Variants in TRIM5 observed in about 807,000 individuals in gnomAD.
The protein encoded by TRIM5 is tripartite motif-containing protein 5.
In TRIM5, 31 loss-of-function variants were observed where a neutral mutation model predicts 35.6. That is an observed-to-expected ratio of 0.87 (90% CI 0.65 to 1.18). The LOEUF (loss-of-function observed/expected upper bound fraction) is 1.18. TRIM5 is among the 50% of genes most tolerant of loss of function. The pLI is 0.00. For synonymous variants in TRIM5, 243 were observed against 215.6 expected, an observed-to-expected ratio of 1.13 and a Z score of -1.11; for missense variants, 609 against 591.6, an observed-to-expected ratio of 1.03 and a Z score of -0.31.
rs777240554 is a variant in TRIM5 at position 5,678,420 on chromosome 11, A to C, written c.528T>G (p.Tyr176Ter). The C allele has an allele frequency of 1.3e-6, 2 of 1,576,682 alleles. No individual in the cohort carries two copies. The highest frequency in any genetic ancestry group is 1.2e-5 in the South Asian group (1 of 85,462). ...AATCTGCCAAGACGTTGGTTTTGTC[A>C]TACTGTATTTGAGTCTTCAGAGATA... is the stretch of plus-strand genomic sequence containing the variant. The part of the protein sequence containing the change: ...EKASWKTQIQ[Y>*]DKTNVLADFE... Residue 176 changes from tyrosine to a stop codon, truncating the protein, a stop_gained, in exon 4 of 8, where the codon TAT (tyrosine) becomes TAG (stop). Coordinates refer to ENST00000380034, the MANE Select transcript of TRIM5 (RefSeq NM_033034.3). LOFTEE classifies it high-confidence loss of function.
In TRIM5 at chr11:5,665,079, T is replaced by G; in HGVS notation, c.1212A>C (p.Leu404Phe). 1 of 1,614,156 alleles carries G rather than the reference T, an allele frequency of 6.2e-7. No individual in the cohort carries two copies. The highest frequency in any genetic ancestry group is 8.5e-7 in the Non-Finnish European group (1 of 1,180,032). ...QPKYGYWVIGLEEGVKCSAFQ... is the reference protein window; with the variant it reads ...QPKYGYWVIGFEEGVKCSAFQ... Reference sequence around the variant, plus strand: ...AAGCACTACATTTAACTCCTTCCTCTAACCCTATAACCCAGTAGCCGTATT... The same window carrying G: ...AAGCACTACATTTAACTCCTTCCTCGAACCCTATAACCCAGTAGCCGTATT... Residue 404 changes from leucine (L) to phenylalanine (F), a missense_variant, in exon 8 of 8, where the codon TTA becomes TTC. Physicochemically the swap from Leu to Phe is conservative, Grantham distance 22. Coordinates refer to ENST00000380034, the MANE Select transcript of TRIM5 (RefSeq NM_033034.3).
At chr11:5,613,330 T>G in the TRIM5 span, among the ~76,000 whole-genome samples, 1 of 152,252 alleles carries the variant, frequency 6.6e-6, no homozygotes, top group Non-Finnish European at 1.5e-5. Flanking sequence ...CACTTGAAGC[T>G]CCTTCATGGT....
chr11:5,601,334 C>CT, the TRIM5 span, among the ~76,000 whole-genome samples: 14 of 152,212 alleles, frequency 9.2e-5, no homozygotes, highest in Non-Finnish European at 1.9e-4. Flanking sequence ...TGTAAAGTCA[C>CT]TTAATGTCTC....
At chr11:5,599,405 A>ATTTG in the TRIM5 span, among the ~76,000 whole-genome samples, 1 of 151,256 alleles carries the variant, frequency 6.6e-6, no homozygotes, top group Non-Finnish European at 1.5e-5. Flanking sequence ...TTATTTATTT[A>ATTTG]TTTATTTATT....
the TRIM5 span, among the ~76,000 whole-genome samples, chr11:5,653,476 G>A: frequency 6.7e-5 from 10 of 148,890 alleles, no homozygotes; most frequent in Non-Finnish European, 1.3e-4. Flanking sequence ...TGTTTTTTCC[G>A]ATTTTTTTTT....
At chr11:5,603,146 C>G in the TRIM5 span, 1 of 1,511,846 alleles carries the variant, frequency 6.6e-7, no homozygotes, top group Non-Finnish European at 8.8e-7. Context: ...CCTTGTTACC[C>G]CAGGTGTCTG....
At chr11:5,660,087 C>T (rs1485397104), downstream of TRIM5, among the ~76,000 whole-genome samples, 2 of 152,106 alleles carry the variant, frequency 1.3e-5, no homozygotes, top group Non-Finnish European at 1.5e-5. Flanking sequence ...AGCGATTCTC[C>T]TGCCTCAGCC....
At chr11:5,650,119 T>C in the TRIM5 span, among the ~76,000 whole-genome samples, 2 of 152,190 alleles carry the variant, frequency 1.3e-5, no homozygotes, top group Non-Finnish European at 2.9e-5. Context: ...TGGTAGTTCT[T>C]GGAGAAACGT....
the TRIM5 span, among the ~76,000 whole-genome samples, chr11:5,634,421 CTGATT>C: frequency 1.8e-3 from 265 of 150,142 alleles, no homozygotes; most frequent in South Asian, 5.0e-3. Flanking sequence ...TACTCCCTTG[CTGATT>C]TGAACTCCCT....
the TRIM5 span, among the ~76,000 whole-genome samples, chr11:5,619,399 G>A: frequency 1.3e-5 from 2 of 152,076 alleles, no homozygotes; most frequent in African/African-American, 4.8e-5. Flanking sequence ...GTCTTTTCCA[G>A]TGGAGAGTAG....
At chr11:5,604,763 C>A in the TRIM5 span, 1 of 841,420 alleles carries the variant, frequency 1.2e-6, no homozygotes, top group Non-Finnish European at 1.8e-6. Flanking sequence ...CCTGGTCCTC[C>A]ACTATATTCC....
intron 4 of TRIM5, among the ~76,000 whole-genome samples, chr11:5,673,862 G>A (rs1851745780): frequency 6.6e-6 from 1 of 151,634 alleles, no homozygotes; most frequent in African/African-American, 2.4e-5. Context: ...AAAATACATT[G>A]AGCCAAATGA....
intron 5 of TRIM5, chr11:5,666,335 A>G: frequency 7.4e-6 from 4 of 541,390 alleles, no homozygotes; most frequent in Non-Finnish European, 1.3e-5. Context: ...CTAAAATGAA[A>G]TAATTAACCT....
the TRIM5 span, chr11:5,612,355 A>AC: frequency 1.3e-5 from 2 of 152,222 alleles, no homozygotes; most frequent in East Asian, 3.8e-4. Flanking sequence ...AGTCTTCACT[A>AC]CAATCTTCAC....
chr11:5,595,774 C>A, the TRIM5 span, among the ~76,000 whole-genome samples: 2 of 150,486 alleles, frequency 1.3e-5, no homozygotes, highest in African/African-American at 2.4e-5. Flanking sequence ...TGGAGTGCAA[C>A]CTCCACCTCC....
chr11:5,627,468 C>T, the TRIM5 span, among the ~76,000 whole-genome samples: 1 of 152,064 alleles, frequency 6.6e-6, no homozygotes, highest in Non-Finnish European at 1.5e-5. Context: ...AGAGTGGTGG[C>T]AGTTGAGGTG....
At chr11:5,655,603 T>C in the TRIM5 span, 109 of 970,286 alleles carry the variant, frequency 1.1e-4, no homozygotes, top group Non-Finnish European at 1.3e-4. Flanking sequence ...ATGAATAGCA[T>C]TGGTTAAGGT....
the TRIM5 span, among the ~76,000 whole-genome samples, chr11:5,620,735 T>A: frequency 1.3e-5 from 2 of 152,200 alleles, no homozygotes; most frequent in Non-Finnish European, 2.9e-5. Flanking sequence ...CAATGGTGTT[T>A]GTCAGTGTTC....
chr11:5,611,383 G>C, the TRIM5 span: 1 of 1,405,268 alleles, frequency 7.1e-7, no homozygotes, highest in African/African-American at 1.4e-5. Context: ...AGTACCCTGA[G>C]GCTTATCAGC....
Sources: gnomAD v4.1 joint callset for allele counts (sites outside exome capture counted in the v4.1 genomes callset) on GRCh38, gnomAD v4.1.1 for gene constraint, MANE v1.5 for transcripts, NCBI Gene and HGNC (gene_info 2026-07-23, HGNC 2026-07-21) for gene names.